Variants in VWA8 observed in about 807,000 individuals in gnomAD.
VWA8 encodes the protein von Willebrand factor A domain containing 8.
A neutral mutation model predicts 241.5 loss-of-function variants in VWA8; 221 were observed. The observed-to-expected ratio is 0.91, with a 90% CI of 0.82 to 1.02. VWA8 has a LOEUF of 1.02. Ranked by LOEUF, VWA8 falls within the 50% of genes least tolerant of loss-of-function variation. The pLI, the probability that VWA8 is intolerant of heterozygous loss-of-function variation, is 0.00. For synonymous variants in VWA8, 852 were observed against 827.1 expected (o/e 1.03, Z -0.52); for missense variants, 2,322 against 2,328.7 (o/e 1.00, Z 0.06).
At chr13:41,947,251 C>CA (rs1379353919) in intron 2 of VWA8, among the ~76,000 whole-genome samples, 1 of 152,126 alleles carries the variant, frequency 6.6e-6, no homozygotes, top group Non-Finnish European at 1.5e-5. Flanking sequence ...TTTAACAGAG[C>CA]ACATAGTCTA....
At chr13:41,777,871 A>C in intron 20 of VWA8, 114 bp downstream of exon 20, 1 of 858,332 alleles carries the variant, frequency 1.2e-6, no homozygotes, top group South Asian at 1.8e-5. Context: ...TCCTTTAATT[A>C]AACCAGTCAT....
chr13:41,895,617 A>G (rs1460318773), intron 4 of VWA8, among the ~76,000 whole-genome samples: 1 of 152,136 alleles, frequency 6.6e-6, no homozygotes, highest in African/African-American at 2.4e-5. Flanking sequence ...TCAACTCAGC[A>G]ATGAAACTAA....
At position 41,886,850 on chromosome 13, in the gene VWA8, TATTAA is replaced by T. The variant is rs1390712686; in HGVS notation, c.817-25_817-21del. 2 of 1,532,940 alleles carry T rather than the reference TATTAA, an allele frequency of 1.3e-6. No individual in the cohort carries two copies. Among genetic ancestry groups the T allele is most frequent in the Non-Finnish European group, 1.8e-6 (2 of 1,130,714 alleles). 95.0% of individuals were successfully genotyped at this position (1,532,940 alleles called of 1,614,324 possible). Reference sequence around the variant, plus strand: ...TTGGTCCTAAAGTAATACAGAAACATATTAAATTAATTAACAAGAAATGTAACAGA... The same window carrying T: ...TTGGTCCTAAAGTAATACAGAAACATATTAATTAACAAGAAATGTAACAGA... On this transcript the variant is annotated intron_variant, in intron 6 of 44. Coordinates refer to ENST00000379310, the MANE Select transcript of VWA8 (RefSeq NM_015058.2).
chr13:41,768,370 A>G (rs78404185), intron 20 of VWA8, among the ~76,000 whole-genome samples: 1,997 of 152,342 alleles, frequency 0.013, 22 homozygotes, highest in Middle Eastern at 0.051. Context: ...TTTTAGCAAT[A>G]AAATATTCAT....
chr13:41,567,291 T>G lies in VWA8; in HGVS notation c.*906A>C, dbSNP rs1304704193. 1 of 152,254 alleles carries G rather than the reference T, an allele frequency of 6.6e-6. No homozygotes were observed. Among genetic ancestry groups the G allele is most frequent in the African/African-American group, 2.4e-5 (1 of 41,468 alleles). The allele number at this position is 152,254 out of a possible 1,614,324, so 9.4% of individuals were successfully genotyped here. On this transcript the variant is annotated 3_prime_UTR_variant, in exon 45 of 45. Coordinates refer to ENST00000379310, the MANE Select transcript of VWA8 (RefSeq NM_015058.2). ...CTAAAAATTTCCAATCACCATTCAC[T>G]TCAAATATACCACCTTGATTTTACT...
chr13:41,596,870 A>T (rs2044492088), intron 40 of VWA8, among the ~76,000 whole-genome samples: 1 of 151,626 alleles, frequency 6.6e-6, no homozygotes, highest in South Asian at 2.1e-4. Flanking sequence ...AAACTTGACA[A>T]AAACCAATCA....
chr13:41,656,381 A>C (rs2044905491), intron 37 of VWA8, among the ~76,000 whole-genome samples: 1 of 152,188 alleles, frequency 6.6e-6, no homozygotes, highest in South Asian at 2.1e-4. Flanking sequence ...TCCCCTCTTA[A>C]AACAAACATC....
Position 41,771,055 on chromosome 13 carries a change from C to G in VWA8, c.2349+6930G>C, listed in dbSNP as rs2045819281. Among the ~76,000 whole-genome samples, 2 of 151,982 alleles carry G rather than the reference C, an allele frequency of 1.3e-5. 1 individual carries two copies. The highest frequency in any genetic ancestry group is 4.8e-5 in the African/African-American group (2 of 41,368). On this transcript the variant is annotated intron_variant, in intron 20 of 44. Transcript: ENST00000379310. Reference sequence around the variant, plus strand: ...TTGAAATTTTGTCTAATATCAGAAACCAAGTGATGTTATGATATGTAGATC... The same window carrying G: ...TTGAAATTTTGTCTAATATCAGAAAGCAAGTGATGTTATGATATGTAGATC...
chr13:41,751,237 G>A lies in VWA8; in HGVS notation c.2426+9891C>T, dbSNP rs1052367610. 3.3e-5 allele frequency among the ~76,000 whole-genome samples: 5 copies of A among 152,114 alleles called. No individual in the cohort carries two copies. The East Asian group carries it at 7.7e-4, about 23-fold the overall frequency. On this transcript the variant is annotated intron_variant, in intron 21 of 44. Coordinates refer to ENST00000379310, the MANE Select transcript of VWA8 (RefSeq NM_015058.2). ...ATCTACATGGAAAAGTAGAGGAACT[G>A]CCATAATTCATTTTTTAAAAAATTA... is the stretch of plus-strand genomic sequence containing the variant.
chr13:41,743,110 T>C (rs957193545), intron 21 of VWA8, among the ~76,000 whole-genome samples: 1 of 152,188 alleles, frequency 6.6e-6, no homozygotes, highest in Non-Finnish European at 1.5e-5. Flanking sequence ...GCAGCTCATA[T>C]GGCTTAAGCA....
chr13:41,746,288 T>A (rs1001171076), intron 21 of VWA8, among the ~76,000 whole-genome samples: 3 of 152,138 alleles, frequency 2.0e-5, no homozygotes, highest in Non-Finnish European at 4.4e-5. Context: ...AAGTAGAAAA[T>A]ACACACTGCA....
chr13:41,849,544 A>G (rs976940002), intron 12 of VWA8, among the ~76,000 whole-genome samples: 2 of 152,214 alleles, frequency 1.3e-5, no homozygotes, highest in African/African-American at 4.8e-5. Flanking sequence ...AGGACTCTCA[A>G]AAGATTTCCC....
chr13:41,817,572 A>G (rs1399445953), intron 15 of VWA8, among the ~76,000 whole-genome samples: 5 of 152,210 alleles, frequency 3.3e-5, no homozygotes, highest in African/African-American at 4.8e-5. Context: ...GTCCTAGTCC[A>G]CATATACTTT....
intron 17 of VWA8, among the ~76,000 whole-genome samples, chr13:41,809,640 A>G (rs1322943607): frequency 6.6e-6 from 1 of 152,208 alleles, no homozygotes; most frequent in Non-Finnish European, 1.5e-5. Context: ...ACCTCAAACT[A>G]TGAAACTACT....
chr13:41,736,953 C>A (rs2045530414), intron 21 of VWA8, among the ~76,000 whole-genome samples: 1 of 149,936 alleles, frequency 6.7e-6, no homozygotes, highest in Non-Finnish European at 1.5e-5. Context: ...AAGTGATTCT[C>A]CTGCCTCAGC....
At chr13:41,783,667 C>A in intron 19 of VWA8, 128 bp downstream of exon 19, 7 of 558,038 alleles carry the variant, frequency 1.3e-5, no homozygotes, top group Admixed American at 3.8e-5. Flanking sequence ...ATGTTCAACA[C>A]TTCATTTTGC....
chr13:41,926,168 GA>G (rs752149318), intron 2 of VWA8: 31 of 617,798 alleles, frequency 5.0e-5, no homozygotes, highest in Non-Finnish European at 8.5e-5. Flanking sequence ...GGAAAACCAA[GA>G]AGGGTGAGCT....
At chr13:41,897,629 C>T (rs1430273355) in intron 4 of VWA8, among the ~76,000 whole-genome samples, 1 of 151,990 alleles carries the variant, frequency 6.6e-6, no homozygotes. Flanking sequence ...CGCAGACCCT[C>T]GCGGTGTGTG....
chr13:41,607,601 G>A (rs2044561248), intron 39 of VWA8, among the ~76,000 whole-genome samples: 1 of 152,088 alleles, frequency 6.6e-6, no homozygotes, highest in Admixed American at 6.6e-5. Flanking sequence ...AGTGAGATTA[G>A]CACTGATTAG....
Sources: gnomAD v4.1 joint callset for allele counts (sites outside exome capture counted in the v4.1 genomes callset) on GRCh38, gnomAD v4.1.1 for gene constraint, MANE v1.5 for transcripts, NCBI Gene and HGNC (gene_info 2026-07-23, HGNC 2026-07-21) for gene names.